The following SDK1 variants were observed in gnomAD, a reference collection of about 807,000 sequenced individuals.
SDK1 encodes the protein sidekick cell adhesion molecule 1.
SDK1 carries 157 observed loss-of-function variants against 245.5 expected under a neutral mutation model. The observed-to-expected ratio is 0.64, with a 90% CI of 0.56 to 0.73. The LOEUF is 0.73. SDK1 is among the 30% of genes least tolerant of loss of function. The probability of loss-of-function intolerance (pLI) is 0.00; values close to 1 mark genes in which losing one functional copy is unlikely to be tolerated. For synonymous variants in SDK1, 1,647 were observed against 1,278.5 expected, an observed-to-expected ratio of 1.29 and a Z score of -6.15; for missense variants, 3,583 against 3,002.3, an observed-to-expected ratio of 1.19 and a Z score of -4.52.
At chr7:4,017,100 A>G (rs1583839316) in intron 16 of SDK1, 71 bp from the exon 17 acceptor site, 4 of 1,458,388 alleles carry the variant, frequency 2.7e-6, no homozygotes, top group Admixed American at 4.4e-5. Context: ...ACCCTGCGGA[A>G]TAACTGCGGG....
chr7:3,524,175 A>T (rs553607370), intron 1 of SDK1, among the ~76,000 whole-genome samples: 1 of 152,214 alleles, frequency 6.6e-6, no homozygotes, highest in Non-Finnish European at 1.5e-5. Flanking sequence ...AAACACCCGC[A>T]TTAATTGCTT....
At chr7:3,439,703 G>A (rs566836341) in intron 1 of SDK1, among the ~76,000 whole-genome samples, 8 of 152,306 alleles carry the variant, frequency 5.3e-5, no homozygotes, top group Admixed American at 1.3e-4. Flanking sequence ...GATACAGCTT[G>A]CTTTATAGAA....
intron 1 of SDK1, among the ~76,000 whole-genome samples, chr7:3,416,463 C>CTTT (rs5881982): frequency 1.7e-4 from 22 of 132,370 alleles, no homozygotes; most frequent in African/African-American, 5.3e-4. Context: ...GGCTTTCGTT[C>CTTT]TTTTTTTTTT....
intron 1 of SDK1, among the ~76,000 whole-genome samples, chr7:3,611,686 T>C (rs1414140916): frequency 1.3e-5 from 2 of 152,158 alleles, no homozygotes; most frequent in Admixed American, 1.3e-4. Flanking sequence ...TGTTCCCTTT[T>C]CACCACGTCC....
chr7:3,663,459 C>T (rs747086108), intron 4 of SDK1, among the ~76,000 whole-genome samples: 7 of 152,054 alleles, frequency 4.6e-5, no homozygotes, highest in Non-Finnish European at 8.8e-5. Flanking sequence ...GTTCTCAGGG[C>T]CTTGCTTGTT....
intron 1 of SDK1, among the ~76,000 whole-genome samples, chr7:3,578,574 C>A (rs898038609): frequency 6.6e-6 from 1 of 152,038 alleles, no homozygotes. Flanking sequence ...CAGTCCTTAT[C>A]TCAACCGCAT....
At chr7:3,749,335 T>C (rs1228071583) in intron 4 of SDK1, among the ~76,000 whole-genome samples, 2 of 151,840 alleles carry the variant, frequency 1.3e-5, no homozygotes, top group African/African-American at 4.8e-5. Context: ...AGTCTCGCCC[T>C]GTCACCCAGG....
At chr7:3,523,332 G>A (rs567676610) in intron 1 of SDK1, among the ~76,000 whole-genome samples, 2 of 152,314 alleles carry the variant, frequency 1.3e-5, no homozygotes, top group African/African-American at 4.8e-5. Context: ...GATACAGTCT[G>A]TGCTGGCATA....
intron 21 of SDK1, among the ~76,000 whole-genome samples, chr7:4,077,926 A>C (rs763563336): frequency 6.6e-6 from 1 of 152,196 alleles, no homozygotes; most frequent in African/African-American, 2.4e-5. Context: ...AAATTGGTAT[A>C]TATAGCGACC....
intron 5 of SDK1, among the ~76,000 whole-genome samples, chr7:3,862,045 C>G (rs1009365955): frequency 6.6e-6 from 1 of 152,186 alleles, no homozygotes; most frequent in African/African-American, 2.4e-5. Flanking sequence ...TCCCAGAGCA[C>G]GGTTTGAAAA....
intron 1 of SDK1, among the ~76,000 whole-genome samples, chr7:3,539,803 C>G (rs890765809): frequency 5.3e-5 from 8 of 152,096 alleles, no homozygotes; most frequent in Non-Finnish European, 1.2e-4. Context: ...CTTACAGGAT[C>G]CAAATGAAAG....
intron 1 of SDK1, among the ~76,000 whole-genome samples, chr7:3,349,125 T>G (rs909620090): frequency 6.6e-6 from 1 of 152,044 alleles, no homozygotes; most frequent in African/African-American, 2.4e-5. Flanking sequence ...CTTGCTCCTC[T>G]CCTACTTCTG....
intron 1 of SDK1, among the ~76,000 whole-genome samples, chr7:3,496,325 G>A (rs1167677310): frequency 6.6e-6 from 1 of 152,026 alleles, no homozygotes; most frequent in Non-Finnish European, 1.5e-5. Flanking sequence ...TCAATTCCCT[G>A]GCAATAGCAC....
rs372454740 is a variant in SDK1, at chr7:3,951,042, G to T, written c.959+8G>T. The T allele has an allele frequency of 1.3e-6, 2 of 1,587,824 alleles. No individual in the cohort carries two copies. Among genetic ancestry groups the T allele is most frequent in the Non-Finnish European group, 1.7e-6 (2 of 1,156,052 alleles). On this transcript the variant is annotated splice_region_variant and intron_variant, in intron 6 of 44. Transcript: ENST00000404826. ...ATGTATAGCCAGTGCCAGGTACGAG[G>T]CGCGTCTCCTGTGAGACTCCTAGTA...
chr7:3,385,158 C>T (rs1034959789), intron 1 of SDK1, among the ~76,000 whole-genome samples: 5 of 152,178 alleles, frequency 3.3e-5, no homozygotes, highest in African/African-American at 4.8e-5. Context: ...TTTCCACTCA[C>T]GTCATCTTAG....
rs1221273159 is a variant in SDK1, at chr7:4,017,294, C to T, written c.2544C>T (p.Tyr848=). The T allele has an allele frequency of 3.7e-6, 6 of 1,613,986 alleles. No individual in the cohort carries two copies. Among genetic ancestry groups the T allele is most frequent in the Non-Finnish European group, 5.1e-6 (6 of 1,179,910 alleles). ...WTQYEIQVAA[Y]NGAGLGVFSR... is the part of the protein sequence containing the mutation. The stretch of plus-strand genomic sequence containing the variant: ...AGTATGAGATACAGGTGGCGGCGTA[C>T]AACGGGGCCGGTCTGGGCGTCTTCA... Residue 848 remains tyrosine, a synonymous_variant, in exon 17 of 45, where the codon TAC becomes TAT. Coordinates refer to ENST00000404826, the MANE Select transcript of SDK1 (RefSeq NM_152744.4).
chr7:3,609,582 A>C (rs1282732837), intron 1 of SDK1, among the ~76,000 whole-genome samples: 1 of 151,716 alleles, frequency 6.6e-6, no homozygotes. Flanking sequence ...TTGTATTTTC[A>C]GTAGAGATGG....
intron 1 of SDK1, among the ~76,000 whole-genome samples, chr7:3,387,057 T>G (rs1236144124): frequency 2.0e-5 from 3 of 152,148 alleles, no homozygotes; most frequent in Non-Finnish European, 4.4e-5. Flanking sequence ...CAAAAATGGT[T>G]TCCCAAGTGA....
At chr7:3,432,112 T>TA (rs202224777) in intron 1 of SDK1, among the ~76,000 whole-genome samples, 1,582 of 84,238 alleles carry the variant, frequency 0.019, 25 homozygotes, top group African/African-American at 0.051. Flanking sequence ...CAGGCTGCAG[T>TA]AAAAAAAAAA....
Sources: allele counts gnomAD v4.1 joint callset (sites outside exome capture counted in the v4.1 genomes callset), GRCh38; gene constraint gnomAD v4.1.1; transcripts MANE v1.5; gene names NCBI Gene and HGNC (gene_info 2026-07-23, HGNC 2026-07-21).